Variants in PFKFB3 observed in about 807,000 individuals in gnomAD.
The protein encoded by PFKFB3 is 6-phosphofructo-2-kinase/fructose-2,6-biphosphatase 3.
Under a neutral mutation model 68.0 loss-of-function variants are expected in PFKFB3, and 33 were observed. The observed-to-expected ratio is 0.49, with a 90% CI of 0.37 to 0.65. The LOEUF (loss-of-function observed/expected upper bound fraction) is 0.65, where lower values mean the gene tolerates loss of function less well. PFKFB3 is among the 30% of genes least tolerant of loss of function. PFKFB3 has a pLI of 0.00. For synonymous variants in PFKFB3, 315 were observed against 288.2 expected (o/e 1.09, Z -0.94); for missense variants, 586 against 712.2 (o/e 0.82, Z 2.02).
chr10:6,228,770 A>G lies in PFKFB3; in HGVS notation c.1515+2405A>G, dbSNP rs1845532737. The stretch of plus-strand genomic sequence containing the variant: ...CACACCCCAAAAGAGCTCCGAGTGG[A>G]GACCCTTGGGGATCCGTTTGTCCTG... On this transcript the variant is annotated intron_variant, in intron 14 of 14. Coordinates refer to ENST00000379775, the MANE Select transcript of PFKFB3 (RefSeq NM_004566.4). The surrounding 1 kb of genome is among the most constrained non-coding windows in gnomAD (Gnocchi z 4.5). 6.6e-6 allele frequency among the ~76,000 whole-genome samples: 1 copy of G among 152,146 alleles called. No homozygotes were observed. Among genetic ancestry groups the G allele is most frequent in the Non-Finnish European group, 1.5e-5 (1 of 68,012 alleles).
intron 14 of PFKFB3, among the ~76,000 whole-genome samples, chr10:6,240,544 G>A (rs772416824): frequency 6.6e-6 from 1 of 152,114 alleles, no homozygotes; most frequent in African/African-American, 2.4e-5. Flanking sequence ...GATTACAGAC[G>A]TGAGCCGCCG....
At chr10:6,248,825 A>G (rs1351672258) in intron 14 of PFKFB3, among the ~76,000 whole-genome samples, 2 of 152,174 alleles carry the variant, frequency 1.3e-5, no homozygotes, top group Non-Finnish European at 2.9e-5. Flanking sequence ...ACCTGTCAAA[A>G]TGGCTATTGT....
At chr10:6,257,385 G>A (rs779157999), downstream of PFKFB3, among the ~76,000 whole-genome samples, 9 of 152,156 alleles carry the variant, frequency 5.9e-5, no homozygotes, top group Non-Finnish European at 1.0e-4. Flanking sequence ...ACAAGCACAC[G>A]AGTCATTTAT....
the PFKFB3 span, among the ~76,000 whole-genome samples, chr10:6,281,316 C>T: frequency 6.6e-6 from 1 of 151,622 alleles, no homozygotes; most frequent in African/African-American, 2.4e-5. Flanking sequence ...TTTGTTACAA[C>T]AGCCAGCCTG....
downstream of PFKFB3, among the ~76,000 whole-genome samples, chr10:6,240,302 TCC>T (rs1846112506): frequency 6.6e-6 from 1 of 152,126 alleles, no homozygotes; most frequent in South Asian, 2.1e-4. Context: ...TCTCGCTTTG[TCC>T]CCCAGGCTGG....
intron 1 of PFKFB3, among the ~76,000 whole-genome samples, chr10:6,181,984 G>A (rs1842727127): frequency 6.6e-6 from 1 of 152,092 alleles, no homozygotes; most frequent in African/African-American, 2.4e-5. Context: ...TCTGGAGCTG[G>A]ATGGTAGCGA....
chr10:6,156,678 G>T (rs1317429878), intron 1 of PFKFB3, among the ~76,000 whole-genome samples: 1 of 150,932 alleles, frequency 6.6e-6, no homozygotes. Context: ...AGTAGAGATG[G>T]GGTTTCGCCA....
In PFKFB3 at chr10:6,194,512, G is replaced by A. The variant is rs774461713; in HGVS notation, c.17-19111G>A. Among the ~76,000 whole-genome samples the A allele has an allele frequency of 1.3e-3, 195 of 152,224 alleles. 4 individuals carry two copies. Among genetic ancestry groups the A allele is most frequent in the Non-Finnish European group, 2.5e-4 (17 of 68,048 alleles). On this transcript the variant is annotated intron_variant, in intron 1 of 14. Coordinates refer to the PFKFB3 transcript ENST00000379789. The stretch of plus-strand genomic sequence containing the variant: ...AGGGCGAGCACCTGTTGTTGGAGGG[G>A]GATGCAGGCTTAACCCATGTGCAGC...
chr10:6,189,014 A>T (rs997703484), intron 1 of PFKFB3, among the ~76,000 whole-genome samples: 13 of 151,874 alleles, frequency 8.6e-5, no homozygotes, highest in African/African-American at 2.4e-5. Context: ...TTTTAAAAAA[A>T]TTTTTTAGTG....
upstream of PFKFB3, among the ~76,000 whole-genome samples, chr10:6,202,274 G>A (rs916958683): frequency 2.0e-5 from 3 of 152,186 alleles, no homozygotes; most frequent in African/African-American, 4.8e-5. Flanking sequence ...TAGGGGAGGG[G>A]AGCAAGGCTC....
chr10:6,177,250 A>T (rs1842499514), intron 1 of PFKFB3, among the ~76,000 whole-genome samples: 1 of 152,184 alleles, frequency 6.6e-6, no homozygotes. Flanking sequence ...CTGCCTGCTG[A>T]CTGAAATGGG....
the PFKFB3 span, among the ~76,000 whole-genome samples, chr10:6,268,259 C>T: frequency 1.3e-5 from 2 of 152,178 alleles, no homozygotes; most frequent in Non-Finnish European, 2.9e-5. Flanking sequence ...TCTTGATAAA[C>T]TTCTTTTTGG....
chr10:6,220,612 G>A lies in PFKFB3; in HGVS notation c.624-46G>A, dbSNP rs368410746. The A allele has an allele frequency of 3.8e-6, 6 of 1,564,844 alleles. No individual in the cohort carries two copies. The highest frequency in any genetic ancestry group is 5.3e-6 in the Non-Finnish European group (6 of 1,137,530). On this transcript the variant is annotated intron_variant, in intron 7 of 14. Coordinates refer to ENST00000379775, the MANE Select transcript of PFKFB3 (RefSeq NM_004566.4). This position sits in a 1 kb window ranked among gnomAD's most constrained non-coding sequence, Gnocchi z 4.1. ...GGAGACGGGCCAGGTGCATCCTGCTGTGGGTGGTGGCCTGAGCTGTGGTTC... is the reference window on the plus strand; with the variant it reads ...GGAGACGGGCCAGGTGCATCCTGCTATGGGTGGTGGCCTGAGCTGTGGTTC...
At chr10:6,262,491 A>G in the PFKFB3 span, among the ~76,000 whole-genome samples, 5 of 147,716 alleles carry the variant, frequency 3.4e-5, no homozygotes, top group Non-Finnish European at 7.4e-5. Flanking sequence ...CTGTCTTTGG[A>G]TATTTTCAAT....
chr10:6,212,508 C>G (rs1171452632), intron 1 of PFKFB3, among the ~76,000 whole-genome samples: 1 of 152,162 alleles, frequency 6.6e-6, no homozygotes, highest in Non-Finnish European at 1.5e-5. Flanking sequence ...CTTCCCTCGG[C>G]AGGGCCCCAG....
At chr10:6,197,366 G>A (rs900162065) in intron 1 of PFKFB3, among the ~76,000 whole-genome samples, 4 of 152,142 alleles carry the variant, frequency 2.6e-5, no homozygotes, top group Non-Finnish European at 5.9e-5. Context: ...ATGCTGTACA[G>A]GTTTGTACCC....
At chr10:6,231,395 T>C in intron 14 of PFKFB3, 2 of 1,598,556 alleles carry the variant, frequency 1.3e-6, no homozygotes, top group Non-Finnish European at 8.5e-7. Flanking sequence ...CATCGTGCAA[T>C]GCGGGGCTCA....
At chr10:6,196,241 C>T (rs1843172711) in intron 1 of PFKFB3, among the ~76,000 whole-genome samples, 1 of 151,992 alleles carries the variant, frequency 6.6e-6, no homozygotes, top group African/African-American at 2.4e-5. Flanking sequence ...AGCGATTCTT[C>T]CACCTCAGCC....
chr10:6,190,898 C>A (rs586221), intron 1 of PFKFB3, among the ~76,000 whole-genome samples: 82,578 of 151,960 alleles, frequency 0.54, 25,528 homozygotes, highest in Non-Finnish European at 0.7. Context: ...GGTGCCTCAG[C>A]CTCCTGAGTA....
Sources: gnomAD v4.1 joint callset for allele counts (sites outside exome capture counted in the v4.1 genomes callset) on GRCh38, gnomAD v4.1.1 for gene constraint, Gnocchi (gnomAD v3.1) non-coding constraint, MANE v1.5 for transcripts, NCBI Gene and HGNC (gene_info 2026-07-23, HGNC 2026-07-21) for gene names.